Variants in HOOK2 observed in about 807,000 individuals in gnomAD.
The protein encoded by HOOK2 is protein Hook homolog 2.
In HOOK2, 108 loss-of-function variants were observed where a neutral mutation model predicts 111.9. The observed-to-expected ratio is 0.96, with a 90% CI of 0.83 to 1.13. HOOK2 has a LOEUF of 1.13. Ranked by LOEUF, HOOK2 falls within the 50% of genes most tolerant of loss-of-function variation. The probability of loss-of-function intolerance (pLI) is 0.00; values close to 1 mark genes in which losing one functional copy is unlikely to be tolerated. For missense variants in HOOK2, 978 were observed against 951.3 expected (o/e 1.03, Z -0.37); for synonymous variants, 405 against 394.3 (o/e 1.03, Z -0.32).
Position 12,765,715 on chromosome 19 carries a change from G to C in HOOK2, c.1615C>G (p.Leu539Val). The C allele has an allele frequency of 6.2e-7, 1 of 1,614,194 alleles. No individual in the cohort carries two copies. The highest frequency in any genetic ancestry group is 8.5e-7 in the Non-Finnish European group (1 of 1,180,038). Reference protein sequence around the residue: ...GKTEDAISILLKRKLEEHLQK... With the variant: ...GKTEDAISILVKRKLEEHLQK... Reference sequence around the variant, plus strand: ...AAATGTTCCTCCAGCTTCCTTTTCAGCAAAATGGACTGGGAGAGAGAAGAG... The same window carrying C: ...AAATGTTCCTCCAGCTTCCTTTTCACCAAAATGGACTGGGAGAGAGAAGAG... The change falls in exon 18 of 23, where the codon CTG becomes GTG. Residue 539 changes from leucine to valine, a missense_variant. By Grantham distance (32) the Leu-to-Val change is conservative. This residue lies in a region of HOOK2 where 277 missense variants were observed against 265.8 expected (regional missense o/e 1.04). Transcript: ENST00000397668.
At chr19:12,767,613 G>T in intron 13 of HOOK2, 149 bp from the exon 14 acceptor site, 1 of 864,544 alleles carries the variant, frequency 1.2e-6, no homozygotes, top group Non-Finnish European at 1.8e-6. Flanking sequence ...ATAGAGAACC[G>T]GGAGGGTTGG....
intron 3 of HOOK2, among the ~76,000 whole-genome samples, chr19:12,789,634 G>C (rs894176227): frequency 6.6e-6 from 1 of 151,868 alleles, no homozygotes; most frequent in African/African-American, 2.4e-5. Flanking sequence ...CAGGCGCCGG[G>C]GGCGCCTCGA....
At position 12,767,475 on chromosome 19, in the gene HOOK2, C is replaced by T. The variant is rs1053652587; in HGVS notation, c.1304-11G>A. ...GATCCAGTGAGGGATCTGAAGAATG[C>T]GAGAAAAGTCTTCAGGTCTCTTCGC... On this transcript the variant is annotated splice_polypyrimidine_tract_variant and intron_variant, in intron 13 of 22. Coordinates refer to ENST00000397668, the MANE Select transcript of HOOK2 (RefSeq NM_013312.3). The T allele has an allele frequency of 5.0e-6, 8 of 1,610,686 alleles. No individual in the cohort carries two copies. In the Admixed American group the frequency reaches 5.0e-5, roughly 10 times the overall value.
Position 12,766,164 on chromosome 19 carries a change from C to T in HOOK2, c.1450G>A (p.Glu484Lys), listed in dbSNP as rs979348120. 7 of 1,596,516 alleles carry T rather than the reference C, an allele frequency of 4.4e-6. No homozygotes were observed. In the African/African-American group the frequency reaches 5.4e-5, roughly 12 times the overall value. The change falls in exon 15 of 23, where the codon GAG becomes AAG. Residue 484 changes from glutamate to lysine, a missense_variant. This residue lies in a region of HOOK2 where 388 missense variants were observed against 358.3 expected (regional missense o/e 1.08). Coordinates refer to ENST00000397668, the MANE Select transcript of HOOK2 (RefSeq NM_013312.3). ...GCATCCTCCAGGTGGCGCTGCAGCT[C>T]CTCCTGCCGCTCCCGGTCGGCCGCC... ...QEAADRERQE[E>K]LQRHLEDANR... is the part of the protein sequence containing the mutation.
chr19:12,774,928 G>GT, intron 1 of HOOK2, 31 bp from the exon 2 acceptor site: 1 of 1,595,836 alleles, frequency 6.3e-7, no homozygotes. Flanking sequence ...CAAGGAAAGA[G>GT]TTAGGGCCTG....
chr19:12,791,716 A>AGCGAGCG lies in HOOK2; in HGVS notation n.42-17492_42-17491insCGCTCGC. On this transcript the variant is annotated intron_variant and non_coding_transcript_variant, in intron 3 of 3. Transcript: ENST00000589765. This position sits in a 1 kb window ranked among gnomAD's most constrained non-coding sequence, Gnocchi z 7.0. Reference sequence around the variant, plus strand: ...CAGCGGAGAGCTCGCCGCTCGCTGCAGCGAGGCCCGGAGCGGCCCCGCAGG... The same window carrying AGCGAGCG: ...CAGCGGAGAGCTCGCCGCTCGCTGCAGCGAGCGGCGAGGCCCGGAGCGGCCCCGCAGG... The AGCGAGCG allele has an allele frequency of 7.5e-7, 1 of 1,329,580 alleles. No homozygotes were observed. Among genetic ancestry groups the AGCGAGCG allele is most frequent in the Non-Finnish European group, 1.0e-6 (1 of 972,436 alleles). The allele number at this position is 1,329,580 out of a possible 1,614,324, so 82.4% of individuals were successfully genotyped here.
rs1222595168 is a variant in HOOK2, at chr19:12,774,866, G to A, written c.77C>T (p.Ala26Val). 5.0e-6 allele frequency: 8 copies of A among 1,613,996 alleles called. No individual in the cohort carries two copies. In the African/African-American group the frequency reaches 9.3e-5, roughly 19 times the overall value. The change falls in exon 2 of 23, where the codon GCC (alanine) becomes GTC (valine). Residue 26 changes from alanine to valine, a missense_variant. Around this residue, in one of 5 missense-constraint regions of HOOK2, gnomAD observed 301 missense variants for 286.1 expected, o/e 1.05. Coordinates refer to ENST00000397668, the MANE Select transcript of HOOK2 (RefSeq NM_013312.3). ...LQTFHVPSPC[A>V]SPQDLSSGLA... ...GCCGCTGCTCAGGTCCTGAGGGCTGGCACAGGGAGACGGAACGTGGAACGT... is the reference window on the plus strand; with the variant it reads ...GCCGCTGCTCAGGTCCTGAGGGCTGACACAGGGAGACGGAACGTGGAACGT...
chr19:12,775,870 A>ATTTTTTT (rs1968492759), upstream of HOOK2, among the ~76,000 whole-genome samples: 9 of 128,068 alleles, frequency 7.0e-5, no homozygotes, highest in African/African-American at 2.9e-4. Context: ...ACTTAAGTAA[A>ATTTTTTT]TTCTTTTTTT....
Position 12,763,543 on chromosome 19 carries a change from A to T in HOOK2, c.1995T>A (p.Ser665Arg). The T allele has an allele frequency of 6.2e-7, 1 of 1,614,194 alleles. No individual in the cohort carries two copies. Among genetic ancestry groups the T allele is most frequent in the Non-Finnish European group, 8.5e-7 (1 of 1,180,032 alleles). Residue 665 changes from serine (S) to arginine (R), a missense_variant, in exon 22 of 23, where the codon AGT (serine) becomes AGA (arginine). Coordinates refer to ENST00000397668, the MANE Select transcript of HOOK2 (RefSeq NM_013312.3). ...CCACACTTACCATATTATACCAGGC[A>T]CTGATGAGCAGCTTTTCTTCCTGCT... ...QREQEEKLLI[S>R]AWYNMGMALQ...
Position 12,772,993 on chromosome 19 carries a change from C to T in HOOK2, c.255+1G>A. On this transcript the variant is annotated splice_donor_variant, in intron 4 of 22. Coordinates refer to ENST00000397668, the MANE Select transcript of HOOK2 (RefSeq NM_013312.3). LOFTEE classifies it high-confidence loss of function. Reference sequence around the variant, plus strand: ...CCCTGAATCCCTTTACAGTTACTCACATCCTGGGAGTACTCTACTAGGCTC... The same window carrying T: ...CCCTGAATCCCTTTACAGTTACTCATATCCTGGGAGTACTCTACTAGGCTC... 6.2e-7 allele frequency: 1 copy of T among 1,614,164 alleles called. No individual in the cohort carries two copies. The highest frequency in any genetic ancestry group is 2.2e-5 in the East Asian group (1 of 44,860).
At chr19:12,776,147 G>A (rs906803420), upstream of HOOK2, among the ~76,000 whole-genome samples, 56 of 151,038 alleles carry the variant, frequency 3.7e-4, no homozygotes, top group Admixed American at 2.1e-3. Flanking sequence ...AAAGTGCTGG[G>A]ATTACAGGCG....
At chr19:12,766,826 G>T (rs1351872456) in intron 14 of HOOK2, among the ~76,000 whole-genome samples, 1 of 152,084 alleles carries the variant, frequency 6.6e-6, no homozygotes, top group Non-Finnish European at 1.5e-5. Flanking sequence ...CTTGTGATCC[G>T]CTCGCCTTGG....
In HOOK2 at chr19:12,791,568, GCCA is replaced by G. The variant is rs1186055980; in HGVS notation, n.42-17346_42-17344del. On this transcript the variant is annotated intron_variant and non_coding_transcript_variant, in intron 3 of 3. Transcript: ENST00000589765. This position sits in a 1 kb window ranked among gnomAD's most constrained non-coding sequence, Gnocchi z 7.0. Reference sequence around the variant, plus strand: ...GAAACGACGCCAGGAAAGCTATCGCGCCAGAGAGGGCGACGGGGGCTCGGGAAG... The same window carrying G: ...GAAACGACGCCAGGAAAGCTATCGCGGAGAGGGCGACGGGGGCTCGGGAAG... 1 of 504,960 alleles carries G rather than the reference GCCA, an allele frequency of 2.0e-6. No homozygotes were observed. The highest frequency in any genetic ancestry group is 2.0e-5 in the African/African-American group (1 of 48,784). The allele number at this position is 504,960 out of a possible 1,614,324, so 31.3% of individuals were successfully genotyped here.
chr19:12,791,837 G>C lies in HOOK2; in HGVS notation n.42-17612C>G. On this transcript the variant is annotated intron_variant and non_coding_transcript_variant, in intron 3 of 3. Transcript: ENST00000589765. The surrounding 1 kb of genome is among the most constrained non-coding windows in gnomAD (Gnocchi z 7.0). ...CATACACAGCTACGGGATACGGCCG[G>C]GCCCCTGGTGGCCTCTCTCTACACG... The C allele has an allele frequency of 6.2e-7, 1 of 1,613,544 alleles. No individual in the cohort carries two copies. The highest frequency in any genetic ancestry group is 1.1e-5 in the South Asian group (1 of 91,056).
At position 12,786,455 on chromosome 19, in the gene HOOK2, T is replaced by A. The variant is rs960613563; in HGVS notation, n.42-12230A>T. On this transcript the variant is annotated intron_variant and non_coding_transcript_variant, in intron 3 of 3. Coordinates refer to the HOOK2 transcript ENST00000589765. The surrounding 1 kb of genome is among the most constrained non-coding windows in gnomAD (Gnocchi z 4.3). ...CACTTGTGGGTGGGGGTGGGTGAAC[T>A]TCCTCCTTATCCTGTGCCCTAGGCC... 3.3e-5 allele frequency among the ~76,000 whole-genome samples: 5 copies of A among 151,970 alleles called. No homozygotes were observed. The highest frequency in any genetic ancestry group is 1.9e-4 in the East Asian group (1 of 5,166).
intron 3 of HOOK2, among the ~76,000 whole-genome samples, chr19:12,788,803 G>C (rs1305517326): frequency 6.6e-6 from 1 of 152,206 alleles, no homozygotes; most frequent in Non-Finnish European, 1.5e-5. Flanking sequence ...GGAGACACAG[G>C]CCTGGCAGTG....
chr19:12,789,819 G>A (rs894245014), intron 3 of HOOK2, among the ~76,000 whole-genome samples: 2 of 151,754 alleles, frequency 1.3e-5, no homozygotes, highest in Non-Finnish European at 2.9e-5. Context: ...GGCCCCGGGG[G>A]CGGCGGTCGG....
chr19:12,763,359 G>A lies in HOOK2; in HGVS notation c.2083C>T (p.Arg695Trp), dbSNP rs754554896. ...AHAQSFLAQQ[R>W]LATNSRRGPL... ...CCACGGCGAGAATTGGTTGCCAGCC[G>A]CTGCTGTGCCAGGAATGACTGGGCA... The change falls in exon 23 of 23, where the codon CGG (arginine) becomes TGG (tryptophan). Residue 695 changes from arginine (R) to tryptophan (W), a missense_variant. By Grantham distance (101) the Arg-to-Trp change is moderately radical. Coordinates refer to ENST00000397668, the MANE Select transcript of HOOK2 (RefSeq NM_013312.3). 25 of 1,614,028 alleles carry A rather than the reference G, an allele frequency of 1.5e-5. No homozygotes were observed. The highest frequency in any genetic ancestry group is 4.4e-5 in the South Asian group (4 of 91,082).
At chr19:12,789,343 G>A (rs1028296542) in intron 3 of HOOK2, among the ~76,000 whole-genome samples, 9 of 151,986 alleles carry the variant, frequency 5.9e-5, no homozygotes, top group Non-Finnish European at 1.3e-4. Flanking sequence ...GCCCTTCCCG[G>A]GAAGGGGCTC....
Sources: allele counts gnomAD v4.1 joint callset (sites outside exome capture counted in the v4.1 genomes callset), GRCh38; gene constraint gnomAD v4.1.1; regional missense constraint gnomAD v4.1.1; non-coding constraint Gnocchi (gnomAD v3.1); transcripts MANE v1.5; gene names NCBI Gene and HGNC (gene_info 2026-07-23, HGNC 2026-07-21).